Variants in TRHDE observed in about 807,000 individuals in gnomAD.
TRHDE encodes thyrotropin releasing hormone degrading enzyme.
Under a neutral mutation model 125.7 loss-of-function variants are expected in TRHDE, and 72 were observed. The observed-to-expected ratio is 0.57, with a 90% CI of 0.47 to 0.70. TRHDE has a LOEUF of 0.70. Ranked by LOEUF, TRHDE falls within the 30% of genes least tolerant of loss-of-function variation. The pLI is 0.00. For missense variants in TRHDE, 1,110 were observed against 1,327.1 expected (o/e 0.84, Z 2.54); for synonymous variants, 509 against 509.1 (o/e 1.00, Z 0.00).
At chr12:72,537,128 C>T (rs1299709652) in intron 6 of TRHDE, among the ~76,000 whole-genome samples, 2 of 151,934 alleles carry the variant, frequency 1.3e-5, no homozygotes, top group African/African-American at 4.8e-5. Context: ...AACTTTATGC[C>T]TCAATTTTCT....
At chr12:72,108,284 TTTG>T (rs1163686924) in intron 2 of TRHDE, among the ~76,000 whole-genome samples, 1 of 152,052 alleles carries the variant, frequency 6.6e-6, no homozygotes, top group East Asian at 1.9e-4. Context: ...TAGGCTGAAT[TTTG>T]TTGTTGTGGT....
intron 9 of TRHDE, among the ~76,000 whole-genome samples, chr12:72,567,927 G>A (rs1000893809): frequency 2.6e-5 from 4 of 152,036 alleles, no homozygotes; most frequent in African/African-American, 9.7e-5. Context: ...TGAGTTTCAT[G>A]ATTGGTCCCT....
intron 3 of TRHDE, among the ~76,000 whole-genome samples, chr12:72,465,731 C>T (rs748297044): frequency 6.6e-6 from 1 of 152,086 alleles, no homozygotes; most frequent in Non-Finnish European, 1.5e-5. Flanking sequence ...AAATTATAAA[C>T]CTATCATATA....
chr12:72,353,569 A>T (rs1485931125), intron 2 of TRHDE, among the ~76,000 whole-genome samples: 1 of 151,608 alleles, frequency 6.6e-6, no homozygotes, highest in Non-Finnish European at 1.5e-5. Flanking sequence ...GAGGTAAAAG[A>T]TTCATGCACC....
intron 2 of TRHDE, among the ~76,000 whole-genome samples, chr12:72,259,085 A>ACTTT (rs753193809): frequency 1.3e-4 from 20 of 152,226 alleles, no homozygotes; most frequent in Admixed American, 3.3e-4. Context: ...TTCTCATCTC[A>ACTTT]CTTTCATCCA....
At chr12:72,302,828 T>C (rs1373869681) in intron 2 of TRHDE, among the ~76,000 whole-genome samples, 1 of 152,050 alleles carries the variant, frequency 6.6e-6, no homozygotes, top group East Asian at 1.9e-4. Context: ...TGGAACAGGG[T>C]TTCTCAAGCT....
intron 2 of TRHDE, among the ~76,000 whole-genome samples, chr12:72,203,279 G>A (rs2139356274): frequency 6.6e-6 from 1 of 152,172 alleles, no homozygotes; most frequent in African/African-American, 2.4e-5. Flanking sequence ...GGCGAACACG[G>A]TGAAATCCCG....
At chr12:72,372,758 T>G (rs1297610300) in intron 2 of TRHDE, among the ~76,000 whole-genome samples, 4 of 152,218 alleles carry the variant, frequency 2.6e-5, no homozygotes, top group Non-Finnish European at 5.9e-5. Flanking sequence ...TATCTCTGTT[T>G]TGGTACCAGT....
intron 6 of TRHDE, among the ~76,000 whole-genome samples, chr12:72,516,109 A>T (rs1195785647): frequency 6.6e-6 from 1 of 151,704 alleles, no homozygotes; most frequent in African/African-American, 2.4e-5. Context: ...TTGGCTTAGG[A>T]TTAACTTGGC....
At chr12:72,171,741 G>T (rs1004753030) in intron 2 of TRHDE, among the ~76,000 whole-genome samples, 13 of 152,122 alleles carry the variant, frequency 8.5e-5, no homozygotes, top group Non-Finnish European at 1.8e-4. Flanking sequence ...CCCAGAAGAG[G>T]GTGTCTTAGT....
At position 72,577,872 on chromosome 12, in the gene TRHDE, A is replaced by G. The variant is rs1871069264; in HGVS notation, c.2321+2330A>G. The stretch of plus-strand genomic sequence containing the variant: ...TCATTTGTATAAATTCACCAGAAAA[A>G]CATGGAATCTCATTGAATATATATT... On this transcript the variant is annotated intron_variant, in intron 12 of 18. Coordinates refer to ENST00000261180, the MANE Select transcript of TRHDE (RefSeq NM_013381.3). Among the ~76,000 whole-genome samples, 3 of 152,292 alleles carry G rather than the reference A, an allele frequency of 2.0e-5. No homozygotes were observed. The South Asian group carries it at 6.2e-4, about 32-fold the overall frequency.
chr12:72,285,522 C>CTTTTTTTTTTTTT (rs370394091), intron 1 of TRHDE, among the ~76,000 whole-genome samples: 1 of 131,438 alleles, frequency 7.6e-6, no homozygotes, highest in Non-Finnish European at 1.6e-5. Flanking sequence ...TTTTTTTCTT[C>CTTTTTTTTTTTTT]TTTTTTTTTT....
chr12:72,168,181 A>G (rs1195002302), intron 2 of TRHDE, among the ~76,000 whole-genome samples: 1 of 152,186 alleles, frequency 6.6e-6, no homozygotes, highest in East Asian at 1.9e-4. Context: ...AATAGGTTTT[A>G]TGTAGATACT....
At chr12:72,372,084 C>T (rs991010933) in intron 2 of TRHDE, among the ~76,000 whole-genome samples, 1 of 152,162 alleles carries the variant, frequency 6.6e-6, no homozygotes, top group Non-Finnish European at 1.5e-5. Context: ...GATTGCCATT[C>T]TAACTGGTGT....
At chr12:72,338,495 G>A (rs546572462) in intron 2 of TRHDE, among the ~76,000 whole-genome samples, 30 of 152,308 alleles carry the variant, frequency 2.0e-4, no homozygotes, top group Middle Eastern at 3.4e-3. Context: ...ACAGGGGACA[G>A]AAGTACTTTG....
At chr12:72,434,388 C>CA (rs34254660) in intron 3 of TRHDE, among the ~76,000 whole-genome samples, 13,335 of 81,312 alleles carry the variant, frequency 0.16, 1,053 homozygotes, top group East Asian at 0.51. Context: ...CTCTATGTCT[C>CA]AAAAAAAAAA....
chr12:72,383,370 A>T (rs1872270174), intron 3 of TRHDE, among the ~76,000 whole-genome samples: 6 of 100,948 alleles, frequency 5.9e-5, no homozygotes, highest in African/African-American at 1.7e-4. Context: ...AACCCATTTA[A>T]TTTTTTTTTT....
intron 6 of TRHDE, among the ~76,000 whole-genome samples, chr12:72,525,619 G>T (rs1408216144): frequency 2.7e-5 from 4 of 148,772 alleles, no homozygotes; most frequent in African/African-American, 1.0e-4. Flanking sequence ...GTGTGTGTGT[G>T]TGTGTGTGTG....
At chr12:72,599,184 A>C (rs1183041042) in intron 12 of TRHDE, among the ~76,000 whole-genome samples, 1 of 152,136 alleles carries the variant, frequency 6.6e-6, no homozygotes, top group Non-Finnish European at 1.5e-5. Context: ...GCTGCAACAA[A>C]CATAAAGAGT....
Sources: allele counts gnomAD v4.1 joint callset (sites outside exome capture counted in the v4.1 genomes callset), GRCh38; gene constraint gnomAD v4.1.1; transcripts MANE v1.5; gene names NCBI Gene and HGNC (gene_info 2026-07-23, HGNC 2026-07-21).